DNAH9: variants seen among roughly 807,000 people sequenced by gnomAD.
The protein encoded by DNAH9 is DNAH9 variant protein.
A neutral mutation model predicts 471.6 loss-of-function variants in DNAH9; 345 were observed. The ratio of observed to expected loss-of-function variants is 0.73; its 90% CI spans 0.67 to 0.80. The LOEUF (loss-of-function observed/expected upper bound fraction) is 0.80. Ranked by LOEUF, DNAH9 falls within the 30% of genes least tolerant of loss-of-function variation. The pLI, the probability that DNAH9 is intolerant of heterozygous loss-of-function variation, is 0.00. For missense variants in DNAH9, 5,407 were observed against 5,609.2 expected (o/e 0.96, Z 1.15); for synonymous variants, 2,093 against 2,123.6 (o/e 0.99, Z 0.40).
At chr17:11,708,008 CACACACAGAG>C (rs1381541040) in intron 26 of DNAH9, among the ~76,000 whole-genome samples, 26 of 47,192 alleles carry the variant, frequency 5.5e-4, no homozygotes, top group African/African-American at 1.4e-3. Flanking sequence ...CACACACACA[CACACACAGAG>C]AGAGAGAGAG....
In DNAH9 at chr17:11,812,052, T is replaced by TAC. The variant is rs1969945412; in HGVS notation, c.8707+1684_8707+1685insCA. ...ATATATATATATATATATATATATATATACACATACATACACACATACATC... is the reference window on the plus strand; with the variant it reads ...ATATATATATATATATATATATATATACATACACATACATACACACATACATC... On this transcript the variant is annotated intron_variant, in intron 45 of 68. Transcript: ENST00000262442. Among the ~76,000 whole-genome samples the TAC allele has an allele frequency of 7.7e-5, 5 of 64,818 alleles. 1 individual carries two copies. The South Asian group carries it at 2.5e-3, about 33-fold the overall frequency. The allele number at this position is 64,818 out of a possible 152,430, so 42.5% of individuals were successfully genotyped here.
intron 28 of DNAH9, among the ~76,000 whole-genome samples, chr17:11,732,861 C>T (rs1368639415): frequency 3.3e-5 from 5 of 152,000 alleles, no homozygotes; most frequent in Non-Finnish European, 1.5e-5. Context: ...TTACAAGCCC[C>T]AATAATGGGT....
Position 11,784,556 on chromosome 17 carries a change from C to T in DNAH9, c.8061+17C>T, listed in dbSNP as rs773282631. On this transcript the variant is annotated intron_variant, in intron 41 of 68. Coordinates refer to ENST00000262442, the MANE Select transcript of DNAH9 (RefSeq NM_001372.4). The stretch of plus-strand genomic sequence containing the variant: ...ATTTTCCAGGTGAGTTCATCGGCTC[C>T]GAGACACCCTAGGGGCTTAGTGATT... The T allele has an allele frequency of 2.0e-5, 32 of 1,613,944 alleles. No individual in the cohort carries two copies. The highest frequency in any genetic ancestry group is 1.7e-4 in the Admixed American group (10 of 60,010).
chr17:11,607,710 C>G (rs930574127), intron 1 of DNAH9, among the ~76,000 whole-genome samples: 1 of 152,148 alleles, frequency 6.6e-6, no homozygotes, highest in Non-Finnish European at 1.5e-5. Context: ...GCTGTGATCA[C>G]AGGAACCCGC....
intron 27 of DNAH9, among the ~76,000 whole-genome samples, chr17:11,722,527 CG>C (rs1567749618): frequency 6.6e-6 from 1 of 152,070 alleles, no homozygotes; most frequent in Non-Finnish European, 1.5e-5. Context: ...AGTGATATCT[CG>C]GGAATATGGG....
intron 53 of DNAH9, chr17:11,875,927 A>G (rs1030183576): frequency 6.6e-6 from 1 of 152,218 alleles, no homozygotes; most frequent in African/African-American, 2.4e-5. Flanking sequence ...TGAGGCAGAC[A>G]TCATTCATTA....
At position 11,854,445 on chromosome 17, in the gene DNAH9, C is replaced by T; in HGVS notation, c.9933+17C>T. On this transcript the variant is annotated intron_variant, in intron 50 of 68. Transcript: ENST00000262442. Reference sequence around the variant, plus strand: ...AAGATCGCTGTGAGTGACCCCAGAGCCCCTCACCCTGCTAGTCCGCCTCCA... The same window carrying T: ...AAGATCGCTGTGAGTGACCCCAGAGTCCCTCACCCTGCTAGTCCGCCTCCA... 1 of 1,599,174 alleles carries T rather than the reference C, an allele frequency of 6.3e-7. No individual in the cohort carries two copies. Among genetic ancestry groups the T allele is most frequent in the Non-Finnish European group, 8.5e-7 (1 of 1,172,288 alleles).
intron 17 of DNAH9, among the ~76,000 whole-genome samples, chr17:11,677,158 A>C (rs1304603712): frequency 6.6e-6 from 1 of 152,106 alleles, no homozygotes; most frequent in Non-Finnish European, 1.5e-5. Context: ...CAAGTTTGTT[A>C]ATTATTCTAT....
intron 9 of DNAH9, among the ~76,000 whole-genome samples, chr17:11,639,780 C>A (rs1179490184): frequency 3.3e-5 from 5 of 152,048 alleles, no homozygotes; most frequent in African/African-American, 1.2e-4. Flanking sequence ...GGGATTGAGG[C>A]GGGTGGATCA....
chr17:11,867,464 GT>G (rs36026830), intron 50 of DNAH9, among the ~76,000 whole-genome samples: 63,502 of 151,592 alleles, frequency 0.42, 13,633 homozygotes, highest in Admixed American at 0.56. Context: ...TTCCACAAGA[GT>G]TTTTTTTTGT....
rs771199572 is a variant in DNAH9, at chr17:11,822,873, TATCTG to T, written c.9087_9091del (p.Tyr3029Ter). 1 of 1,614,226 alleles carries T rather than the reference TATCTG, an allele frequency of 6.2e-7. No individual in the cohort carries two copies. The highest frequency in any genetic ancestry group is 8.5e-7 in the Non-Finnish European group (1 of 1,180,040). Reference sequence around the variant, plus strand: ...AAGTGTCAACCAAACATCCCAGTCTTATCTGAGCAATGAACAGCGCTACAACTATA... The same window carrying T: ...AAGTGTCAACCAAACATCCCAGTCTTAGCAATGAACAGCGCTACAACTATA... On this transcript the variant is annotated frameshift_variant, in exon 48 of 69. Transcript: ENST00000262442. LOFTEE classifies it high-confidence loss of function.
chr17:11,959,454 C>T (rs544513927), intron 67 of DNAH9, among the ~76,000 whole-genome samples: 1 of 152,254 alleles, frequency 6.6e-6, no homozygotes, highest in South Asian at 2.1e-4. Context: ...TGAATTATCA[C>T]ATAACTACAG....
intron 39 of DNAH9, among the ~76,000 whole-genome samples, chr17:11,781,693 G>T (rs972891113): frequency 6.6e-6 from 1 of 151,972 alleles, no homozygotes; most frequent in African/African-American, 2.4e-5. Context: ...TTAGCCAGGC[G>T]TGATGGCAGG....
chr17:11,849,410 A>C (rs2150966061), intron 49 of DNAH9, among the ~76,000 whole-genome samples: 1 of 152,270 alleles, frequency 6.6e-6, no homozygotes, highest in East Asian at 1.9e-4. Context: ...GTGAAATTAG[A>C]GTAAAATCCA....
chr17:11,944,327 G>A (rs574913188), intron 67 of DNAH9, among the ~76,000 whole-genome samples: 152 of 152,274 alleles, frequency 1.0e-3, no homozygotes, highest in Admixed American at 2.1e-3. Context: ...ATAGAGAGAC[G>A]CGGGAGAAGA....
chr17:11,882,710 G>C (rs1359091159), intron 55 of DNAH9, among the ~76,000 whole-genome samples: 1 of 152,156 alleles, frequency 6.6e-6, no homozygotes, highest in African/African-American at 2.4e-5. Flanking sequence ...ATAGTGATAA[G>C]AATTTTTAAG....
At position 11,705,120 on chromosome 17, in the gene DNAH9, G is replaced by C. The variant is rs2074676942; in HGVS notation, c.5487G>C (p.Gln1829His). 2 of 1,614,052 alleles carry C rather than the reference G, an allele frequency of 1.2e-6. No homozygotes were observed. The highest frequency in any genetic ancestry group is 2.7e-5 in the African/African-American group (2 of 74,936). ...KHCFANICDAQFLYSYEYLGN... is the reference protein window; with the variant it reads ...KHCFANICDAHFLYSYEYLGN... ...GCTTTGCCAACATCTGTGATGCCCA[G>C]TTTTTGTATTCCTATGAGTACCTGG... Residue 1829 changes from glutamine (Q) to histidine (H), a missense_variant, in exon 26 of 69, where the codon CAG (glutamine) becomes CAC (histidine). Coordinates refer to ENST00000262442, the MANE Select transcript of DNAH9 (RefSeq NM_001372.4).
At chr17:11,933,388 CT>C (rs950420811) in intron 64 of DNAH9, among the ~76,000 whole-genome samples, 2 of 149,048 alleles carry the variant, frequency 1.3e-5, no homozygotes, top group Admixed American at 6.7e-5. Flanking sequence ...TTTTTTTCTT[CT>C]TTTTTTTTGA....
chr17:11,598,923 T>G lies in DNAH9; in HGVS notation c.417+8T>G, dbSNP rs754777508. The G allele has an allele frequency of 3.5e-5, 44 of 1,265,892 alleles. No individual in the cohort carries two copies. Among genetic ancestry groups the G allele is most frequent in the Non-Finnish European group, 4.1e-5 (41 of 1,000,938 alleles). 78.4% of individuals were successfully genotyped at this position (1,265,892 alleles called of 1,614,324 possible). On this transcript the variant is annotated splice_region_variant and intron_variant, in intron 1 of 68. Transcript: ENST00000262442. ...GCCGCGCTGTTCTCGGAGGTGAGGGTGGGTTAGTGTCCCCGCGCGGCTAAA... is the reference window on the plus strand; with the variant it reads ...GCCGCGCTGTTCTCGGAGGTGAGGGGGGGTTAGTGTCCCCGCGCGGCTAAA...
Sources: allele counts gnomAD v4.1 joint callset (sites outside exome capture counted in the v4.1 genomes callset), GRCh38; gene constraint gnomAD v4.1.1; transcripts MANE v1.5; gene names NCBI Gene and HGNC (gene_info 2026-07-23, HGNC 2026-07-21).